KRABD5: variants seen among roughly 807,000 people sequenced by gnomAD.
KRABD5 encodes KRAB domain-containing protein 5.
chr16:31,747,288 C>T, the KRABD5 span, among the ~76,000 whole-genome samples: 1 of 152,006 alleles, frequency 6.6e-6, no homozygotes, highest in African/African-American at 2.4e-5. Flanking sequence ...TGGTTTCCAG[C>T]TTCATCCATG....
chr16:31,730,469 G>C, the KRABD5 span, among the ~76,000 whole-genome samples: 1 of 152,026 alleles, frequency 6.6e-6, no homozygotes, highest in Non-Finnish European at 1.5e-5. Context: ...ATTTCATGCT[G>C]CTTTCATGAT....
the KRABD5 span, among the ~76,000 whole-genome samples, chr16:31,724,072 C>G: frequency 6.6e-6 from 1 of 152,162 alleles, no homozygotes; most frequent in South Asian, 2.1e-4. Flanking sequence ...GGGAAGCTTA[C>G]AACATTGTCC....
the KRABD5 span, among the ~76,000 whole-genome samples, chr16:31,737,946 A>C: frequency 1.8e-4 from 28 of 152,168 alleles, no homozygotes; most frequent in Non-Finnish European, 3.1e-4. Context: ...ATTGTCTTCA[A>C]AATCTTGAAC....
At chr16:31,734,728 C>G in the KRABD5 span, among the ~76,000 whole-genome samples, 1 of 151,612 alleles carries the variant, frequency 6.6e-6, no homozygotes, top group African/African-American at 2.4e-5. Flanking sequence ...CTGCTTATAT[C>G]AGCTTTTTTT....
At chr16:31,731,407 G>A in the KRABD5 span, among the ~76,000 whole-genome samples, 1 of 152,184 alleles carries the variant, frequency 6.6e-6, no homozygotes, top group African/African-American at 2.4e-5. Context: ...CTAAGATAAG[G>A]AATTGTAGTT....
the KRABD5 span, among the ~76,000 whole-genome samples, chr16:31,738,691 T>C: frequency 6.6e-6 from 1 of 152,160 alleles, no homozygotes; most frequent in East Asian, 1.9e-4. Flanking sequence ...CTGAAAGGTA[T>C]GACTCACCAT....
At chr16:31,713,384 C>T in the KRABD5 span, 1 of 1,594,856 alleles carries the variant, frequency 6.3e-7, no homozygotes, top group Non-Finnish European at 8.6e-7. Context: ...GACCGGCAGG[C>T]ACCGGGAGAT....
At chr16:31,754,312 T>C in the KRABD5 span, 2 of 615,600 alleles carry the variant, frequency 3.2e-6, no homozygotes, top group Non-Finnish European at 5.7e-6. Flanking sequence ...GTGATCAATA[T>C]AGAAAGGTCT....
the KRABD5 span, among the ~76,000 whole-genome samples, chr16:31,741,995 G>A: frequency 6.6e-6 from 1 of 151,862 alleles, no homozygotes; most frequent in Admixed American, 6.6e-5. Flanking sequence ...ATGTTCATTC[G>A]TTTGCATGTG....
At chr16:31,749,008 G>A in the KRABD5 span, among the ~76,000 whole-genome samples, 4 of 152,146 alleles carry the variant, frequency 2.6e-5, no homozygotes, top group East Asian at 5.8e-4. Flanking sequence ...TGCTTTGCTG[G>A]GGAAAAACCC....
chr16:31,723,206 G>T, the KRABD5 span: 1 of 1,572,698 alleles, frequency 6.4e-7, no homozygotes, highest in Admixed American at 1.8e-5. Context: ...CTACTGAGCT[G>T]GCAATTAAAG....
the KRABD5 span, chr16:31,756,928 A>G: frequency 6.6e-6 from 1 of 152,226 alleles, no homozygotes; most frequent in South Asian, 2.1e-4. Context: ...AAACTGGAGA[A>G]CTGTTGATTT....
the KRABD5 span, chr16:31,758,493 G>A: frequency 4.6e-5 from 7 of 151,882 alleles, no homozygotes; most frequent in Admixed American, 1.3e-4. Context: ...GTGTATTTGG[G>A]CCAGTCTCGG....
chr16:31,724,126 A>G, the KRABD5 span, among the ~76,000 whole-genome samples: 5 of 152,100 alleles, frequency 3.3e-5, no homozygotes, highest in African/African-American at 1.2e-4. Context: ...TATTCATAAC[A>G]TTTTATAATT....
chr16:31,754,499 A>G, the KRABD5 span: 13 of 628,682 alleles, frequency 2.1e-5, no homozygotes, highest in African/African-American at 1.6e-4. Flanking sequence ...AAGCCAAGGC[A>G]TAAGCCCCAG....
chr16:31,719,873 TAAC>T, the KRABD5 span, among the ~76,000 whole-genome samples: 2 of 152,316 alleles, frequency 1.3e-5, no homozygotes, highest in East Asian at 3.9e-4. Context: ...TCACAAGTAG[TAAC>T]AAAGTCAATG....
chr16:31,733,423 C>T, the KRABD5 span: 3 of 428,298 alleles, frequency 7.0e-6, no homozygotes, highest in African/African-American at 4.1e-5. Flanking sequence ...TAATTGTCAT[C>T]TCAAACATTT....
At chr16:31,759,331 T>C in the KRABD5 span, 1 of 1,534,778 alleles carries the variant, frequency 6.5e-7, no homozygotes, top group Middle Eastern at 1.7e-4. Context: ...AAAATTGTAC[T>C]TTATGTATTT....
chr16:31,750,227 C>G, the KRABD5 span, among the ~76,000 whole-genome samples: 1 of 151,964 alleles, frequency 6.6e-6, no homozygotes, highest in Non-Finnish European at 1.5e-5. Flanking sequence ...TTTATAGTTC[C>G]TCTTGTAGAG....
Sources: gnomAD v4.1 joint callset for allele counts (sites outside exome capture counted in the v4.1 genomes callset) on GRCh38, gnomAD v4.1.1 for gene constraint, MANE v1.5 for transcripts, NCBI Gene and HGNC (gene_info 2026-07-23, HGNC 2026-07-21) for gene names.